The following LUZP2 variants were observed in gnomAD, a reference collection of about 807,000 sequenced individuals.
LUZP2 encodes leucine zipper protein 2.
LUZP2 carries 52 observed loss-of-function variants against 51.6 expected under a neutral mutation model. That is an observed-to-expected ratio of 1.01 (90% CI 0.81 to 1.27). The LOEUF (loss-of-function observed/expected upper bound fraction) is 1.27, where lower values mean the gene tolerates loss of function less well. Among genes scored for constraint, LUZP2 ranks in the 50% most tolerant of loss-of-function variants. The pLI, the probability that LUZP2 is intolerant of heterozygous loss-of-function variation, is 0.00. For synonymous variants in LUZP2, 154 were observed against 137.3 expected (o/e 1.12, Z -0.85); for missense variants, 436 against 395.4 (o/e 1.10, Z -0.87).
Position 25,079,519 on chromosome 11 carries a change from C to G in LUZP2, c.*861C>G, listed in dbSNP as rs1223631157. 1 of 152,030 alleles carries G rather than the reference C, an allele frequency of 6.6e-6. No homozygotes were observed. The highest frequency in any genetic ancestry group is 2.4e-5 in the African/African-American group (1 of 41,410). 9.4% of individuals were successfully genotyped at this position (152,030 alleles called of 1,614,324 possible). On this transcript the variant is annotated 3_prime_UTR_variant, in exon 12 of 12. Transcript: ENST00000336930. The stretch of plus-strand genomic sequence containing the variant: ...AGGGGTCTGATGAAAGTACAATAGC[C>G]ATGTTGATTCAATAAACCCAGATGC...
intron 7 of LUZP2, among the ~76,000 whole-genome samples, chr11:24,962,012 A>C (rs1342870905): frequency 2.0e-5 from 3 of 151,536 alleles, no homozygotes; most frequent in Admixed American, 1.3e-4. Flanking sequence ...TATGAAGCTT[A>C]GTTTGGCTGG....
intron 4 of LUZP2, among the ~76,000 whole-genome samples, chr11:24,748,108 A>G (rs986404067): frequency 3.3e-5 from 5 of 152,066 alleles, no homozygotes; most frequent in Non-Finnish European, 7.4e-5. Context: ...ACAGAGTTCA[A>G]CTGGAGACTT....
At chr11:24,634,942 C>T (rs1004915172) in intron 1 of LUZP2, among the ~76,000 whole-genome samples, 1 of 152,016 alleles carries the variant, frequency 6.6e-6, no homozygotes, top group South Asian at 2.1e-4. Flanking sequence ...ACTTGTTACT[C>T]AGCTCAAAAT....
Position 24,766,021 on chromosome 11 carries a change from A to C in LUZP2, c.396+2713A>C, listed in dbSNP as rs148651637. On this transcript the variant is annotated intron_variant, in intron 5 of 11. Transcript: ENST00000336930. ...AGAAATCCACTCACCTCAGCCTCCT[A>C]AAATGCTGGGATTACAGGAGTAAAC... Among the ~76,000 whole-genome samples the C allele has an allele frequency of 3.5e-4, 53 of 152,248 alleles. No homozygotes were observed. In the East Asian group the frequency reaches 9.7e-3, roughly 28 times the overall value.
At chr11:24,748,609 G>A (rs1169806991) in intron 4 of LUZP2, among the ~76,000 whole-genome samples, 1 of 151,976 alleles carries the variant, frequency 6.6e-6, no homozygotes, top group Non-Finnish European at 1.5e-5. Context: ...ACTGGCGCGT[G>A]CCACCACACC....
intron 5 of LUZP2, among the ~76,000 whole-genome samples, chr11:24,788,416 C>A (rs1347388838): frequency 6.6e-6 from 1 of 151,826 alleles, no homozygotes; most frequent in East Asian, 2.0e-4. Context: ...TCTTGAACTC[C>A]TGACCTTGTG....
At chr11:24,660,950 A>T (rs943155124) in intron 1 of LUZP2, among the ~76,000 whole-genome samples, 4 of 152,158 alleles carry the variant, frequency 2.6e-5, no homozygotes, top group African/African-American at 7.2e-5. Flanking sequence ...TGACACTTAA[A>T]ATCTATATTC....
At chr11:24,680,295 T>C (rs1050060366) in intron 1 of LUZP2, among the ~76,000 whole-genome samples, 1 of 152,226 alleles carries the variant, frequency 6.6e-6, no homozygotes, top group Non-Finnish European at 1.5e-5. Context: ...CTGTGCTGCT[T>C]CTGTAGCAGC....
chr11:24,850,470 A>C (rs764205498), intron 5 of LUZP2, among the ~76,000 whole-genome samples: 36 of 151,890 alleles, frequency 2.4e-4, no homozygotes, highest in Non-Finnish European at 4.0e-4. Context: ...GTTCTGTTCC[A>C]TTGGTCTATA....
At chr11:24,622,764 C>T (rs533278463) in intron 1 of LUZP2, among the ~76,000 whole-genome samples, 10 of 152,138 alleles carry the variant, frequency 6.6e-5, no homozygotes, top group East Asian at 1.9e-4. Flanking sequence ...ATTTTGAAGA[C>T]GGAGTTTGGA....
chr11:24,812,363 ACTT>A (rs1281813807), intron 5 of LUZP2, among the ~76,000 whole-genome samples: 2 of 152,026 alleles, frequency 1.3e-5, no homozygotes, highest in Non-Finnish European at 2.9e-5. Context: ...AAAAAAGAAA[ACTT>A]CTTCAATTCC....
At chr11:24,607,760 T>G (rs936015638) in intron 1 of LUZP2, among the ~76,000 whole-genome samples, 19 of 152,128 alleles carry the variant, frequency 1.2e-4, no homozygotes, top group African/African-American at 3.9e-4. Context: ...TTTTCAAATT[T>G]CTCTTTTAGT....
At chr11:24,909,371 C>T (rs532885338) in intron 6 of LUZP2, among the ~76,000 whole-genome samples, 9 of 151,604 alleles carry the variant, frequency 5.9e-5, no homozygotes, top group Admixed American at 3.3e-4. Flanking sequence ...AAAAGGCAAC[C>T]ATTCTGACAC....
At chr11:24,919,799 T>A (rs1281013972) in intron 7 of LUZP2, among the ~76,000 whole-genome samples, 1 of 151,008 alleles carries the variant, frequency 6.6e-6, no homozygotes, top group Non-Finnish European at 1.5e-5. Context: ...TATTAATTAT[T>A]GCTACCTAGT....
chr11:24,878,752 C>T (rs1852359059), intron 5 of LUZP2, among the ~76,000 whole-genome samples: 1 of 151,566 alleles, frequency 6.6e-6, no homozygotes, highest in African/African-American at 2.4e-5. Flanking sequence ...TTGACCCGTC[C>T]TCTATGTTCC....
At chr11:25,038,420 C>A (rs984575336) in intron 9 of LUZP2, among the ~76,000 whole-genome samples, 4 of 152,172 alleles carry the variant, frequency 2.6e-5, no homozygotes, top group Admixed American at 2.6e-4. Context: ...GTCTACATAA[C>A]AACCAGCAAC....
chr11:24,871,726 T>C (rs958353880), intron 5 of LUZP2, among the ~76,000 whole-genome samples: 3 of 151,746 alleles, frequency 2.0e-5, no homozygotes, highest in Non-Finnish European at 2.9e-5. Flanking sequence ...CCCTATAAAC[T>C]ACAGTAAAAA....
chr11:25,004,120 G>A (rs1173938068), intron 9 of LUZP2, among the ~76,000 whole-genome samples: 1 of 152,254 alleles, frequency 6.6e-6, no homozygotes, highest in Non-Finnish European at 1.5e-5. Flanking sequence ...ACATGAGCTG[G>A]CGCTTGACCT....
At chr11:24,885,263 T>C (rs1306340617) in intron 5 of LUZP2, among the ~76,000 whole-genome samples, 1 of 152,116 alleles carries the variant, frequency 6.6e-6, no homozygotes, top group East Asian at 1.9e-4. Context: ...ATGACTCTTC[T>C]TTATGTTTAC....
Sources: allele counts gnomAD v4.1 joint callset (sites outside exome capture counted in the v4.1 genomes callset), GRCh38; gene constraint gnomAD v4.1.1; transcripts MANE v1.5; gene names NCBI Gene and HGNC (gene_info 2026-07-23, HGNC 2026-07-21).